Variants in DCHS1 observed in about 807,000 individuals in gnomAD.
DCHS1 encodes the protein dachsous cadherin-related 1.
Under a neutral mutation model 213.9 loss-of-function variants are expected in DCHS1, and 78 were observed. The observed-to-expected ratio is 0.36, with a 90% CI of 0.30 to 0.44. The LOEUF (loss-of-function observed/expected upper bound fraction) is 0.44. Ranked by LOEUF, DCHS1 falls within the 20% of genes least tolerant of loss-of-function variation. DCHS1 has a pLI of 1.00. For synonymous variants in DCHS1, 1,828 were observed against 1,873.7 expected, an observed-to-expected ratio of 0.98 and a Z score of 0.63; for missense variants, 3,946 against 4,395.9, an observed-to-expected ratio of 0.90 and a Z score of 2.89.
Position 6,628,386 on chromosome 11 carries a change from G to A in DCHS1, c.5371+235C>T, listed in dbSNP as rs1283589886. On this transcript the variant is annotated intron_variant, in intron 13 of 20. Coordinates refer to ENST00000299441, the MANE Select transcript of DCHS1 (RefSeq NM_003737.4). This position sits in a 1 kb window ranked among gnomAD's most constrained non-coding sequence, Gnocchi z 4.3. ...AAATTTGAGAACGACTGCTCTACAG[G>A]GAGAGACAAATGAGAAAGAAAAGAA... Among the ~76,000 whole-genome samples the A allele has an allele frequency of 2.0e-5, 3 of 152,124 alleles. No individual in the cohort carries two copies. The highest frequency in any genetic ancestry group is 4.4e-5 in the Non-Finnish European group (3 of 68,022).
rs952908490 is a variant in DCHS1, at chr11:6,625,821, G to T, written c.6732-94C>A. On this transcript the variant is annotated intron_variant, in intron 17 of 20. Coordinates refer to ENST00000299441, the MANE Select transcript of DCHS1 (RefSeq NM_003737.4). The surrounding 1 kb of genome is among the most constrained non-coding windows in gnomAD (Gnocchi z 5.3). ...ACTCAGGACAGAGCTTAGGGCTGGG[G>T]AATTCAGGATGTGGCCAAGGGACCA... 2 of 1,579,852 alleles carry T rather than the reference G, an allele frequency of 1.3e-6. No homozygotes were observed. Among genetic ancestry groups the T allele is most frequent in the African/African-American group, 1.3e-5 (1 of 74,166 alleles).
chr11:6,630,387 A>T lies in DCHS1; in HGVS notation c.4407T>A (p.Asn1469Lys). 4 of 1,396,086 alleles carry T rather than the reference A, an allele frequency of 2.9e-6. No individual in the cohort carries two copies. The highest frequency in any genetic ancestry group is 3.7e-6 in the Non-Finnish European group (4 of 1,079,070). 86.5% of individuals were successfully genotyped at this position (1,396,086 alleles called of 1,614,324 possible). A position where few individuals can be genotyped will look rare whatever the true frequency, so the allele number is the denominator to read the frequency against. The change falls in exon 10 of 21, where the codon AAT becomes AAA. Residue 1469 changes from asparagine to lysine, a missense_variant. By Grantham distance (94) the Asn-to-Lys change is moderately conservative. Around this residue, in one of 3 missense-constraint regions of DCHS1, gnomAD observed 3,384 missense variants for 3,780.1 expected, o/e 0.90. Coordinates refer to ENST00000299441, the MANE Select transcript of DCHS1 (RefSeq NM_003737.4). ...RASDADGPGPNSDVRYRLLRQ... is the reference protein window; with the variant it reads ...RASDADGPGPKSDVRYRLLRQ... Reference sequence around the variant, plus strand: ...GCAGCAGGCGGTAGCGCACGTCGCTATTGGGGCCGGGGCCGTCGGCGTCCG... The same window carrying T: ...GCAGCAGGCGGTAGCGCACGTCGCTTTTGGGGCCGGGGCCGTCGGCGTCCG...
chr11:6,643,371 T>C (rs1280842194), intron 1 of DCHS1, among the ~76,000 whole-genome samples: 2 of 152,242 alleles, frequency 1.3e-5, no homozygotes, highest in African/African-American at 4.8e-5. Context: ...CTTCCTTTCT[T>C]GTGACATTGC....
At position 6,627,044 on chromosome 11, in the gene DCHS1, T is replaced by C. The variant is rs1432393556; in HGVS notation, c.5995A>G (p.Ile1999Val). Residue 1999 changes from isoleucine (I) to valine (V), a missense_variant, in exon 14 of 21, where the codon ATT becomes GTT. Ile to Val is a conservative substitution (Grantham distance 29). Around this residue, in one of 3 missense-constraint regions of DCHS1, gnomAD observed 3,384 missense variants for 3,780.1 expected, o/e 0.90. Transcript: ENST00000299441. The surrounding 1 kb of genome is among the most constrained non-coding windows in gnomAD (Gnocchi z 5.4). Reference sequence around the variant, plus strand: ...GGTGTGCCTGCCAGCCGGTACAGAATGGAAGCATTGGCACCAGCATCACGA... The same window carrying C: ...GGTGTGCCTGCCAGCCGGTACAGAACGGAAGCATTGGCACCAGCATCACGA... ...EDRDAGANASILYRLAGTPPP... is the reference protein window; with the variant it reads ...EDRDAGANASVLYRLAGTPPP... 18 of 1,613,432 alleles carry C rather than the reference T, an allele frequency of 1.1e-5. No homozygotes were observed. The highest frequency in any genetic ancestry group is 1.5e-5 in the Non-Finnish European group (18 of 1,179,772).
intron 1 of DCHS1, among the ~76,000 whole-genome samples, chr11:6,654,902 G>T (rs1469181646): frequency 6.6e-6 from 1 of 151,940 alleles, no homozygotes; most frequent in Non-Finnish European, 1.5e-5. Flanking sequence ...CGGTGACCTT[G>T]CTCTGTCCCC....
Position 6,630,052 on chromosome 11 carries a change from G to T in DCHS1, c.4742C>A (p.Ser1581Tyr). ...DPDLGEAARVSYRLASGGDGH... is the reference protein window; with the variant it reads ...DPDLGEAARVYYRLASGGDGH... ...GTCCCCGCCAGATGCCAGCCGATAG[G>T]ACACGCGTGCAGCCTCGCCCAGATC... The change falls in exon 10 of 21, where the codon TCC becomes TAC. Residue 1581 changes from serine (S) to tyrosine (Y), a missense_variant. Transcript: ENST00000299441. 1 of 1,562,428 alleles carries T rather than the reference G, an allele frequency of 6.4e-7. No individual in the cohort carries two copies. The highest frequency in any genetic ancestry group is 8.7e-7 in the Non-Finnish European group (1 of 1,151,086).
rs1280347034 is a variant in DCHS1 at position 6,628,347 on chromosome 11, G to T, written c.5371+274C>A. Among the ~76,000 whole-genome samples the T allele has an allele frequency of 6.6e-6, 1 of 152,126 alleles. No homozygotes were observed. Among genetic ancestry groups the T allele is most frequent in the Non-Finnish European group, 1.5e-5 (1 of 68,022 alleles). On this transcript the variant is annotated intron_variant, in intron 13 of 20. Transcript: ENST00000299441. The surrounding 1 kb of genome is among the most constrained non-coding windows in gnomAD (Gnocchi z 4.3). ...TTCTCAAAAATTAAGAGTGTTAAGG[G>T]TTTTTGAGACCAAAAATTTGAGAAC... is the stretch of plus-strand genomic sequence containing the variant.
rs1379697540 is a variant in DCHS1, at chr11:6,632,203, G to C, written c.3309C>G (p.Pro1103=). The C allele has an allele frequency of 6.2e-7, 1 of 1,609,978 alleles. No homozygotes were observed. The highest frequency in any genetic ancestry group is 1.7e-5 in the Admixed American group (1 of 59,872). ...GGAAGGTGGGATCCTCAGACAAGCG[G>C]GGACTGTGTTCATTCTGGTTGAGGA... The part of the protein sequence containing the change: ...VSILNQNEHS[P]RLSEDPTFLA... The change falls in exon 6 of 21, where the codon CCC becomes CCG. Residue 1103 remains proline, a synonymous_variant. Coordinates refer to ENST00000299441, the MANE Select transcript of DCHS1 (RefSeq NM_003737.4). The surrounding 1 kb of genome is among the most constrained non-coding windows in gnomAD (Gnocchi z 5.9).
At chr11:6,649,436 G>A (rs145170817) in intron 1 of DCHS1, among the ~76,000 whole-genome samples, 4,513 of 151,870 alleles carry the variant, frequency 0.03, 211 homozygotes, top group African/African-American at 0.1. Context: ...GTCCAGGTGA[G>A]CATGGGGGCA....
chr11:6,648,113 G>C (rs186905311), intron 1 of DCHS1, among the ~76,000 whole-genome samples: 2 of 152,180 alleles, frequency 1.3e-5, no homozygotes, highest in Non-Finnish European at 1.5e-5. Context: ...CCCATGTGAA[G>C]ATATTCAAGC....
In DCHS1 at chr11:6,632,884, A is replaced by G; in HGVS notation, c.2628T>C (p.Ala876=). 7 of 1,614,006 alleles carry G rather than the reference A, an allele frequency of 4.3e-6. No homozygotes were observed. Among genetic ancestry groups the G allele is most frequent in the Non-Finnish European group, 5.9e-6 (7 of 1,179,880 alleles). Residue 876 remains alanine (A), a synonymous_variant, in exon 6 of 21, where the codon GCT becomes GCC. Coordinates refer to ENST00000299441, the MANE Select transcript of DCHS1 (RefSeq NM_003737.4). This position sits in a 1 kb window ranked among gnomAD's most constrained non-coding sequence, Gnocchi z 5.9. ...CCAGCAGCACACGCACCCGAGCTAC[A>G]GCGAAAGCTGGGGGCACTCCACTGC... ...RAGSGVPPAF[A]VARVRVLLDD...
In DCHS1 at chr11:6,655,692, C is replaced by G. The variant is rs1170963564; in HGVS notation, c.-250G>C. Reference sequence around the variant, plus strand: ...CCGCAGTCGCTGTCTCCGAGGCCCGCGATCCCCTCCGGGCAGCCGCCGTCG... The same window carrying G: ...CCGCAGTCGCTGTCTCCGAGGCCCGGGATCCCCTCCGGGCAGCCGCCGTCG... On this transcript the variant is annotated 5_prime_UTR_variant, in exon 1 of 21. Transcript: ENST00000299441. 2.0e-6 allele frequency: 2 copies of G among 980,332 alleles called. No homozygotes were observed. Among genetic ancestry groups the G allele is most frequent in the Non-Finnish European group, 2.4e-6 (2 of 827,892 alleles). The allele number at this position is 980,332 out of a possible 1,614,324, so 60.7% of individuals were successfully genotyped here.
At chr11:6,644,010 T>A (rs551888572) in intron 1 of DCHS1, among the ~76,000 whole-genome samples, 2 of 152,312 alleles carry the variant, frequency 1.3e-5, no homozygotes, top group South Asian at 4.1e-4. Context: ...TTCTCCAAAT[T>A]GCCACATCCC....
chr11:6,641,429 CCAAT>C lies in DCHS1; in HGVS notation c.181_184del (p.Ile61AlafsTer66). On this transcript the variant is annotated frameshift_variant, in exon 2 of 21. Coordinates refer to ENST00000299441, the MANE Select transcript of DCHS1 (RefSeq NM_003737.4). LOFTEE classifies it high-confidence loss of function. The surrounding 1 kb of genome is among the most constrained non-coding windows in gnomAD (Gnocchi z 7.1). ...TGCCGGAAGCCCCGCACTGATGTCG[CCAAT>C]CAGTGTACCCGCTGGCTGCTCCTCA... 6.2e-7 allele frequency: 1 copy of C among 1,612,562 alleles called. No individual in the cohort carries two copies. Among genetic ancestry groups the C allele is most frequent in the Non-Finnish European group, 8.5e-7 (1 of 1,179,580 alleles).
At position 6,626,052 on chromosome 11, in the gene DCHS1, T is replaced by C; in HGVS notation, c.6599A>G (p.Gln2200Arg). ...GTAGGAAATCTGTCCTCCAGAGCCTTGATCCAGGTCATCCGCCTCCACCTG... is the reference window on the plus strand; with the variant it reads ...GTAGGAAATCTGTCCTCCAGAGCCTCGATCCAGGTCATCCGCCTCCACCTG... ...LLQVEADDLD[Q>R]GSGGQISYSL... Residue 2200 changes from glutamine (Q) to arginine (R), a missense_variant, in exon 17 of 21, where the codon CAA becomes CGA. Around this residue, in one of 3 missense-constraint regions of DCHS1, gnomAD observed 3,384 missense variants for 3,780.1 expected, o/e 0.90. Coordinates refer to ENST00000299441, the MANE Select transcript of DCHS1 (RefSeq NM_003737.4). The surrounding 1 kb of genome is among the most constrained non-coding windows in gnomAD (Gnocchi z 5.2). The C allele has an allele frequency of 6.2e-7, 1 of 1,611,550 alleles. No homozygotes were observed. The highest frequency in any genetic ancestry group is 8.5e-7 in the Non-Finnish European group (1 of 1,178,848).
In DCHS1 at chr11:6,640,494, G is replaced by T. The variant is rs915184225; in HGVS notation, c.1120C>A (p.Gln374Lys). ...CCAGGTGGGGCGGCCTCAGACACTT[G>T]GGGGGAGCCATCTGCACTGAGAAAG... is the stretch of plus-strand genomic sequence containing the variant. The part of the protein sequence containing the change: ...VIFLSADGSP[Q>K]VSEAAPPGQL... Residue 374 changes from glutamine to lysine, a missense_variant, in exon 2 of 21, where the codon CAA (glutamine) becomes AAA (lysine). By Grantham distance (53) the Gln-to-Lys change is moderately conservative. This residue lies in a region of DCHS1 where 3,384 missense variants were observed against 3,780.1 expected (regional missense o/e 0.90). Coordinates refer to ENST00000299441, the MANE Select transcript of DCHS1 (RefSeq NM_003737.4). This position sits in a 1 kb window ranked among gnomAD's most constrained non-coding sequence, Gnocchi z 6.5. 1.9e-6 allele frequency: 3 copies of T among 1,613,214 alleles called. No homozygotes were observed. Among genetic ancestry groups the T allele is most frequent in the South Asian group, 2.2e-5 (2 of 91,086 alleles).
chr11:6,623,819 A>C lies in DCHS1; in HGVS notation c.7857T>G (p.Ala2619=), dbSNP rs148656427. ...VTVPEDTPVG[A]ELLHVEASDA... ...CAGAGGCCTCTACATGCAGCAGCTCAGCTCCAACAGGTGTGTCCTCAGGTA... is the reference window on the plus strand; with the variant it reads ...CAGAGGCCTCTACATGCAGCAGCTCCGCTCCAACAGGTGTGTCCTCAGGTA... Residue 2619 remains alanine (A), a synonymous_variant, in exon 21 of 21, where the codon GCT becomes GCG. Coordinates refer to ENST00000299441, the MANE Select transcript of DCHS1 (RefSeq NM_003737.4). The C allele has an allele frequency of 6.2e-7, 1 of 1,613,772 alleles. No individual in the cohort carries two copies. The highest frequency in any genetic ancestry group is 8.5e-7 in the Non-Finnish European group (1 of 1,179,676).
Position 6,622,326 on chromosome 11 carries a change from G to A in DCHS1, c.9350C>T (p.Thr3117Ile). The A allele has an allele frequency of 6.2e-7, 1 of 1,604,974 alleles. No homozygotes were observed. Among genetic ancestry groups the A allele is most frequent in the Middle Eastern group, 1.7e-4 (1 of 5,988 alleles). ...YREEGPPATA[T>I]AFLGGCGLSP... is the part of the protein sequence containing the mutation. ...CAGGCCACAGCCCCCCAGGAAGGCTGTGGCAGTGGCTGGGGGCCCCTCCTC... is the reference window on the plus strand; with the variant it reads ...CAGGCCACAGCCCCCCAGGAAGGCTATGGCAGTGGCTGGGGGCCCCTCCTC... The change falls in exon 21 of 21, where the codon ACA becomes ATA. Residue 3117 changes from threonine (T) to isoleucine (I), a missense_variant. Coordinates refer to ENST00000299441, the MANE Select transcript of DCHS1 (RefSeq NM_003737.4). This position sits in a 1 kb window ranked among gnomAD's most constrained non-coding sequence, Gnocchi z 5.4.
chr11:6,629,584 A>C lies in DCHS1; in HGVS notation c.5036-7T>G. The C allele has an allele frequency of 1.2e-6, 2 of 1,613,636 alleles. No individual in the cohort carries two copies. The highest frequency in any genetic ancestry group is 3.3e-4 in the Middle Eastern group (2 of 6,062). ...GTCACTTGCCCGTTGGCCCCTGAGG[A>C]GGGGCAGCATGGAGGGCGATCAGAG... On this transcript the variant is annotated splice_polypyrimidine_tract_variant and splice_region_variant and intron_variant, in intron 11 of 20. Coordinates refer to ENST00000299441, the MANE Select transcript of DCHS1 (RefSeq NM_003737.4).
Sources: gnomAD v4.1 joint callset for allele counts (sites outside exome capture counted in the v4.1 genomes callset) on GRCh38, gnomAD v4.1.1 for gene constraint, gnomAD v4.1.1 regional missense constraint, Gnocchi (gnomAD v3.1) non-coding constraint, MANE v1.5 for transcripts, NCBI Gene and HGNC (gene_info 2026-07-23, HGNC 2026-07-21) for gene names.